TAB1: variants seen among roughly 807,000 people sequenced by gnomAD.
The protein encoded by TAB1 is TGF-beta-activated kinase 1 and MAP3K7-binding protein 1.
Under a neutral mutation model 54.5 loss-of-function variants are expected in TAB1, and 30 were observed. That is an observed-to-expected ratio of 0.55 (90% CI 0.41 to 0.75). TAB1 has a LOEUF of 0.75. TAB1 is among the 30% of genes least tolerant of loss of function. TAB1 has a pLI of 0.00. For synonymous variants in TAB1, 289 were observed against 286.9 expected (o/e 1.01, Z -0.07); for missense variants, 609 against 683.2 (o/e 0.89, Z 1.21).
chr22:39,433,968 C>A (rs5750823), downstream of TAB1: 4 of 296,928 alleles, frequency 1.3e-5, no homozygotes, highest in Non-Finnish European at 2.0e-5. Flanking sequence ...GCCTGCTCCA[C>A]GGGAGCAAGG....
Position 39,417,769 on chromosome 22 carries a change from C to A in TAB1, c.470C>A (p.Thr157Lys). 6.2e-7 allele frequency: 1 copy of A among 1,613,502 alleles called. No homozygotes were observed. Among genetic ancestry groups the A allele is most frequent in the South Asian group, 1.1e-5 (1 of 90,892 alleles). The change falls in exon 5 of 11, where the codon ACG (threonine) becomes AAG (lysine). Residue 157 changes from threonine (T) to lysine (K), a missense_variant. Coordinates refer to ENST00000216160, the MANE Select transcript of TAB1 (RefSeq NM_006116.3). ...QYQKILERLK[T>K]LEREISGGAM... ...CAGAAGATCCTTGAGAGACTCAAGA[C>A]GTTAGAGAGGGAAATTTCGGGAGGG...
chr22:39,427,506 C>T (rs35552761), intron 9 of TAB1, among the ~76,000 whole-genome samples: 303 of 152,330 alleles, frequency 2.0e-3, no homozygotes, highest in African/African-American at 6.9e-3. Context: ...TTCCCGTGCT[C>T]CCCCCAGTGC....
At position 39,418,760 on chromosome 22, in the gene TAB1, G is replaced by T; in HGVS notation, c.579G>T (p.Ser193=). The change falls in exon 6 of 11, where the codon TCG becomes TCT. Residue 193 remains serine (S), a synonymous_variant. Transcript: ENST00000216160. Reference sequence around the variant, plus strand: ...CAAACCGTGCACTTTTATGCAAATCGACAGTGGATGGGTTGCAGGTGACAC... The same window carrying T: ...CAAACCGTGCACTTTTATGCAAATCTACAGTGGATGGGTTGCAGGTGACAC... ...VGTNRALLCK[S]TVDGLQVTQL... The T allele has an allele frequency of 6.2e-7, 1 of 1,614,090 alleles. No individual in the cohort carries two copies. The highest frequency in any genetic ancestry group is 8.5e-7 in the Non-Finnish European group (1 of 1,179,990).
At chr22:39,421,307 C>A (rs1015174006) in intron 7 of TAB1, among the ~76,000 whole-genome samples, 1 of 152,170 alleles carries the variant, frequency 6.6e-6, no homozygotes, top group South Asian at 2.1e-4. Flanking sequence ...TCTTAGACTC[C>A]GCTCTTCTGG....
intron 1 of TAB1, among the ~76,000 whole-genome samples, chr22:39,413,686 A>G (rs1926704431): frequency 6.6e-6 from 1 of 152,202 alleles, no homozygotes; most frequent in Non-Finnish European, 1.5e-5. Flanking sequence ...CAGCTTCCCA[A>G]AGTGCTGGGA....
chr22:39,426,649 G>GC, intron 8 of TAB1, 54 bp from the exon 9 acceptor site: 7 of 1,481,318 alleles, frequency 4.7e-6, no homozygotes, highest in South Asian at 1.3e-5. Context: ...TATGGCCCAT[G>GC]CCCCCCAGGC....
In TAB1 at chr22:39,417,905, G is replaced by T. The variant is rs998640182; in HGVS notation, c.550+56G>T. 6.5e-6 allele frequency: 10 copies of T among 1,539,238 alleles called. No individual in the cohort carries two copies. The East Asian group carries it at 9.4e-5, about 14-fold the overall frequency. ...GACTGGGGAGAGGTCAGCCACAGGG[G>T]TCGGTGCATTATTTGACAATCTGCT... On this transcript the variant is annotated intron_variant, in intron 5 of 10. Transcript: ENST00000216160.
At chr22:39,434,969 C>T (rs1379474304), downstream of TAB1, among the ~76,000 whole-genome samples, 3 of 152,174 alleles carry the variant, frequency 2.0e-5, no homozygotes, top group Admixed American at 6.5e-5. Flanking sequence ...CACTCCCCTC[C>T]CCCAGCCCTG....
In TAB1 at chr22:39,415,398, G is replaced by A. The variant is rs1047391940; in HGVS notation, c.171-102G>A. On this transcript the variant is annotated intron_variant, in intron 2 of 10. Transcript: ENST00000216160. This position sits in a 1 kb window ranked among gnomAD's most constrained non-coding sequence, Gnocchi z 4.9. ...GGGACCCAGGAGGGCCCCTGAAGCT[G>A]CAGCTGCTGTCGCTTTAGTCTCCCC... 4 of 1,413,462 alleles carry A rather than the reference G, an allele frequency of 2.8e-6. No homozygotes were observed. Among genetic ancestry groups the A allele is most frequent in the African/African-American group, 1.4e-5 (1 of 70,486 alleles). 87.6% of individuals were successfully genotyped at this position (1,413,462 alleles called of 1,614,324 possible). A position where few individuals can be genotyped will look rare whatever the true frequency, so the allele number is the denominator to read the frequency against.
At chr22:39,418,674 G>A (rs1754462483) in intron 5 of TAB1, 58 bp from the exon 6 acceptor site, 2 of 1,296,524 alleles carry the variant, frequency 1.5e-6, no homozygotes, top group Admixed American at 1.7e-5. Context: ...TGCCTTCCCG[G>A]TATGCCCTAT....
At chr22:39,404,374 A>G (rs975520235) in intron 1 of TAB1, among the ~76,000 whole-genome samples, 8 of 152,162 alleles carry the variant, frequency 5.3e-5, no homozygotes, top group Admixed American at 2.6e-4. Flanking sequence ...ACTTGAGGCC[A>G]GGAGTTCCAG....
chr22:39,432,849 T>C, downstream of TAB1: 1 of 985,330 alleles, frequency 1.0e-6, no homozygotes, highest in Non-Finnish European at 1.2e-6. Context: ...TGAGCCTGTC[T>C]CCTGGAGGGA....
downstream of TAB1, chr22:39,436,384 C>T (rs1927785915): frequency 1.2e-6 from 1 of 844,064 alleles, no homozygotes; most frequent in African/African-American, 1.7e-5. Flanking sequence ...GAGTTGGTAT[C>T]CGTGGCCTCA....
intron 8 of TAB1, among the ~76,000 whole-genome samples, chr22:39,424,803 A>G (rs542538405): frequency 2.1e-4 from 32 of 152,244 alleles, no homozygotes; most frequent in African/African-American, 7.7e-4. Context: ...CAGTAGCCTT[A>G]TAACATAGAG....
intron 1 of TAB1, among the ~76,000 whole-genome samples, chr22:39,407,544 C>T (rs113279881): frequency 4.6e-5 from 7 of 151,384 alleles, no homozygotes; most frequent in East Asian, 3.9e-4. Context: ...AGTGCAGTGG[C>T]GTGATCTCGG....
intron 7 of TAB1, among the ~76,000 whole-genome samples, chr22:39,420,821 G>GTGT (rs1927045579): frequency 1.5e-5 from 2 of 133,682 alleles, no homozygotes; most frequent in Non-Finnish European, 3.3e-5. Context: ...GTGTGTGTTT[G>GTGT]TCCTGGGGGC....
In TAB1 at chr22:39,415,101, C is replaced by T; in HGVS notation, c.129C>T (p.Gly43=). The T allele has an allele frequency of 3.1e-6, 5 of 1,608,872 alleles. No homozygotes were observed. The highest frequency in any genetic ancestry group is 1.1e-5 in the South Asian group (1 of 90,630). Residue 43 remains glycine (G), a synonymous_variant, in exon 2 of 11, where the codon GGC becomes GGT. Coordinates refer to ENST00000216160, the MANE Select transcript of TAB1 (RefSeq NM_006116.3). The surrounding 1 kb of genome is among the most constrained non-coding windows in gnomAD (Gnocchi z 4.9). ...GCAGCTACTCTGCTGATGGCAAGGGCACTGAGAGCCACCCGCCAGAGGACA... is the reference window on the plus strand; with the variant it reads ...GCAGCTACTCTGCTGATGGCAAGGGTACTGAGAGCCACCCGCCAGAGGACA... The part of the protein sequence containing the change: ...SNRSYSADGK[G]TESHPPEDSW...
intron 7 of TAB1, among the ~76,000 whole-genome samples, chr22:39,420,342 G>T (rs1927014435): frequency 6.6e-6 from 1 of 152,208 alleles, no homozygotes; most frequent in South Asian, 2.1e-4. Context: ...TTGAACACAG[G>T]CAGCCTGAAT....
At chr22:39,417,882 C>A in intron 5 of TAB1, 33 bp downstream of exon 5, 1 of 1,576,862 alleles carries the variant, frequency 6.3e-7, no homozygotes, top group Non-Finnish European at 8.6e-7. Flanking sequence ...GCAGGGAGGA[C>A]TGGGGAGAGG....
Sources: gnomAD v4.1 joint callset for allele counts (sites outside exome capture counted in the v4.1 genomes callset) on GRCh38, gnomAD v4.1.1 for gene constraint, Gnocchi (gnomAD v3.1) non-coding constraint, MANE v1.5 for transcripts, NCBI Gene and HGNC (gene_info 2026-07-23, HGNC 2026-07-21) for gene names.